BOD1L2: variants seen among roughly 807,000 people sequenced by gnomAD.
The protein encoded by BOD1L2 is biorientation of chromosomes in cell division protein 1-like 2.
BOD1L2 carries 6 observed loss-of-function variants against 5.3 expected under a neutral mutation model. That is an observed-to-expected ratio of 1.14 (90% confidence interval 0.62 to 2.25). BOD1L2 has a LOEUF of 2.25. BOD1L2 is among the 30% of genes most tolerant of loss of function. The pLI is 0.00. For synonymous variants in BOD1L2, 96 were observed against 96.3 expected (o/e 1.00, Z 0.02); for missense variants, 210 against 227.2 (o/e 0.92, Z 0.49).
Position 57,147,131 on chromosome 18 carries a change from TG to T in BOD1L2, c.-180del. ...TTCCACAACCTCCGCGGTCTGGAGC[TG>T]GCCTCCCCCACCGCCGCCCCAACCA... On this transcript the variant is annotated 5_prime_UTR_variant, in exon 1 of 1. Transcript: ENST00000585477. 1.2e-6 allele frequency: 1 copy of T among 841,384 alleles called. No homozygotes were observed. Among genetic ancestry groups the T allele is most frequent in the Non-Finnish European group, 1.5e-6 (1 of 677,990 alleles). 52.1% of individuals were successfully genotyped at this position (841,384 alleles called of 1,614,324 possible). A position where few individuals can be genotyped will look rare whatever the true frequency, so the allele number is the denominator to read the frequency against.
rs919762130 is a variant in BOD1L2 at position 57,148,886 on chromosome 18, A to G, written c.*1055A>G. On this transcript the variant is annotated 3_prime_UTR_variant, in exon 1 of 1. Transcript: ENST00000585477. Reference sequence around the variant, plus strand: ...CTGAGGAGCCACACATCGTCTAAGCAGGAGTGACAGACTCCTTCCTCTGTG... The same window carrying G: ...CTGAGGAGCCACACATCGTCTAAGCGGGAGTGACAGACTCCTTCCTCTGTG... The G allele has an allele frequency of 1.3e-5, 2 of 152,228 alleles. No homozygotes were observed. The highest frequency in any genetic ancestry group is 2.9e-5 in the Non-Finnish European group (2 of 68,058). 9.4% of individuals were successfully genotyped at this position (152,228 alleles called of 1,614,324 possible).
rs923079581 is a variant in BOD1L2, at chr18:57,147,333, C to T, written c.21C>T (p.Gly7=). 1.6e-5 allele frequency: 20 copies of T among 1,214,346 alleles called. No homozygotes were observed. The African/African-American group carries it at 2.3e-4, about 14-fold the overall frequency. The allele number at this position is 1,214,346 out of a possible 1,614,324, so 75.2% of individuals were successfully genotyped here. A position where few individuals can be genotyped will look rare whatever the true frequency, so the allele number is the denominator to read the frequency against. MADGGG[G]GSGGAGPAST... ...CAGCCATGGCGGACGGTGGCGGCGG[C>T]GGCAGCGGCGGTGCGGGCCCGGCCT... The change falls in exon 1 of 1, where the codon GGC becomes GGT. Residue 7 remains glycine, a synonymous_variant. Transcript: ENST00000585477.
Position 57,150,395 on chromosome 18 carries a change from A to C in BOD1L2, c.*2564A>C, listed in dbSNP as rs889579444. On this transcript the variant is annotated 3_prime_UTR_variant, in exon 1 of 1. Coordinates refer to ENST00000585477, the MANE Select transcript of BOD1L2 (RefSeq NM_001257964.2). Reference sequence around the variant, plus strand: ...GCAATCCAGAAGGATAAATAAATGTAATTTCTGGAATTCTATACATTCTTA... The same window carrying C: ...GCAATCCAGAAGGATAAATAAATGTCATTTCTGGAATTCTATACATTCTTA... The C allele has an allele frequency of 1.3e-5, 2 of 152,176 alleles. No individual in the cohort carries two copies. Among genetic ancestry groups the C allele is most frequent in the Non-Finnish European group, 2.9e-5 (2 of 68,036 alleles). The allele number at this position is 152,176 out of a possible 1,614,324, so 9.4% of individuals were successfully genotyped here.
Position 57,147,427 on chromosome 18 carries a change from A to C in BOD1L2, c.115A>C (p.Ile39Leu). 2 of 1,542,112 alleles carry C rather than the reference A, an allele frequency of 1.3e-6. No homozygotes were observed. The highest frequency in any genetic ancestry group is 1.7e-6 in the Non-Finnish European group (2 of 1,148,352). The part of the protein sequence containing the change: ...ASLPPGDPQL[I>L]AIIVGQLKSR... ...GTTGCCCCCTGGCGACCCTCAGCTC[A>C]TCGCTATCATCGTGGGGCAGCTCAA... Residue 39 changes from isoleucine (I) to leucine (L), a missense_variant, in exon 1 of 1, where the codon ATC becomes CTC. By Grantham distance (5) the Ile-to-Leu change is conservative. Coordinates refer to ENST00000585477, the MANE Select transcript of BOD1L2 (RefSeq NM_001257964.2).
chr18:57,147,953 C>A lies in BOD1L2; in HGVS notation c.*122C>A. On this transcript the variant is annotated 3_prime_UTR_variant, in exon 1 of 1. Transcript: ENST00000585477. The stretch of plus-strand genomic sequence containing the variant: ...AGTTCATCACTGAGCTCAAGATTTC[C>A]ACCTCGACCATGAGCAGTGACCAGA... 9.0e-7 allele frequency: 1 copy of A among 1,116,342 alleles called. No homozygotes were observed. The highest frequency in any genetic ancestry group is 1.2e-6 in the Non-Finnish European group (1 of 803,502). 69.2% of individuals were successfully genotyped at this position (1,116,342 alleles called of 1,614,324 possible).
rs2048947357 is a variant in BOD1L2, at chr18:57,150,148, T to C, written c.*2317T>C. ...TTGTTTATTTGAAATTCAAATTTAC[T>C]GGGGCCCCATGCTTTAGTTTGCCAA... On this transcript the variant is annotated 3_prime_UTR_variant, in exon 1 of 1. Coordinates refer to ENST00000585477, the MANE Select transcript of BOD1L2 (RefSeq NM_001257964.2). 6.6e-6 allele frequency: 1 copy of C among 152,220 alleles called. No individual in the cohort carries two copies. The highest frequency in any genetic ancestry group is 2.1e-4 in the South Asian group (1 of 4,824). 9.4% of individuals were successfully genotyped at this position (152,220 alleles called of 1,614,324 possible). A position where few individuals can be genotyped will look rare whatever the true frequency, so the allele number is the denominator to read the frequency against.
Position 57,147,302 on chromosome 18 carries a change from G to T in BOD1L2, c.-11G>T. The T allele has an allele frequency of 8.6e-7, 1 of 1,163,986 alleles. No homozygotes were observed. The highest frequency in any genetic ancestry group is 1.6e-5 in the African/African-American group (1 of 60,620). The allele number at this position is 1,163,986 out of a possible 1,614,324, so 72.1% of individuals were successfully genotyped here. A position where few individuals can be genotyped will look rare whatever the true frequency, so the allele number is the denominator to read the frequency against. The stretch of plus-strand genomic sequence containing the variant: ...CTATAATCGGTTTCCTTGTGGGCCC[G>T]GTGCGCAGCCATGGCGGACGGTGGC... On this transcript the variant is annotated 5_prime_UTR_variant, in exon 1 of 1. Transcript: ENST00000585477.
rs952545166 is a variant in BOD1L2, at chr18:57,149,164, C to G, written c.*1333C>G. On this transcript the variant is annotated 3_prime_UTR_variant, in exon 1 of 1. Transcript: ENST00000585477. ...CTGAGCCTGTATTGAGCACAGAGCCCTCACTTTTAACCCTTTTAACCATGC... is the reference window on the plus strand; with the variant it reads ...CTGAGCCTGTATTGAGCACAGAGCCGTCACTTTTAACCCTTTTAACCATGC... 6.6e-6 allele frequency: 1 copy of G among 152,224 alleles called. No homozygotes were observed. The highest frequency in any genetic ancestry group is 6.5e-5 in the Admixed American group (1 of 15,278). 9.4% of individuals were successfully genotyped at this position (152,224 alleles called of 1,614,324 possible).
At position 57,147,977 on chromosome 18, in the gene BOD1L2, G is replaced by C. The variant is rs1383903544; in HGVS notation, c.*146G>C. The C allele has an allele frequency of 1.1e-6, 1 of 946,648 alleles. No homozygotes were observed. The highest frequency in any genetic ancestry group is 1.7e-5 in the African/African-American group (1 of 60,320). 58.6% of individuals were successfully genotyped at this position (946,648 alleles called of 1,614,324 possible). The stretch of plus-strand genomic sequence containing the variant: ...CCACCTCGACCATGAGCAGTGACCA[G>C]ATTGAAAGGGAAGCAAGTTCGCCAG... On this transcript the variant is annotated 3_prime_UTR_variant, in exon 1 of 1. Transcript: ENST00000585477.
rs2048945697 is a variant in BOD1L2 at position 57,149,749 on chromosome 18, A to G, written c.*1918A>G. On this transcript the variant is annotated 3_prime_UTR_variant, in exon 1 of 1. Coordinates refer to ENST00000585477, the MANE Select transcript of BOD1L2 (RefSeq NM_001257964.2). Reference sequence around the variant, plus strand: ...ATCACTTGCCAACTTTCCTTTTTACAAAAACAGCTAAGCTCTTTCTGAGAT... The same window carrying G: ...ATCACTTGCCAACTTTCCTTTTTACGAAAACAGCTAAGCTCTTTCTGAGAT... 1 of 152,190 alleles carries G rather than the reference A, an allele frequency of 6.6e-6. No individual in the cohort carries two copies. The highest frequency in any genetic ancestry group is 1.5e-5 in the Non-Finnish European group (1 of 68,030). 9.4% of individuals were successfully genotyped at this position (152,190 alleles called of 1,614,324 possible). A position where few individuals can be genotyped will look rare whatever the true frequency, so the allele number is the denominator to read the frequency against.
rs1169267606 is a variant in BOD1L2, at chr18:57,147,764, C to T, written c.452C>T (p.Ala151Val). ...HEFLVAQKEA[A>V]VPALPPEPEG... ...TTCCTGGTGGCCCAGAAAGAAGCAG[C>T]TGTGCCAGCACTCCCTCCAGAGCCA... is the stretch of plus-strand genomic sequence containing the variant. Residue 151 changes from alanine to valine, a missense_variant, in exon 1 of 1, where the codon GCT becomes GTT. Ala to Val is a moderately conservative substitution (Grantham distance 64, BLOSUM62 0). Coordinates refer to ENST00000585477, the MANE Select transcript of BOD1L2 (RefSeq NM_001257964.2). 1 of 1,613,792 alleles carries T rather than the reference C, an allele frequency of 6.2e-7. No individual in the cohort carries two copies. The highest frequency in any genetic ancestry group is 8.5e-7 in the Non-Finnish European group (1 of 1,180,016).
Position 57,147,243 on chromosome 18 carries a change from T to C in BOD1L2, c.-70T>C. 2 of 1,117,704 alleles carry C rather than the reference T, an allele frequency of 1.8e-6. No individual in the cohort carries two copies. Among genetic ancestry groups the C allele is most frequent in the African/African-American group, 1.7e-5 (1 of 59,634 alleles). 69.2% of individuals were successfully genotyped at this position (1,117,704 alleles called of 1,614,324 possible). A position where few individuals can be genotyped will look rare whatever the true frequency, so the allele number is the denominator to read the frequency against. On this transcript the variant is annotated 5_prime_UTR_variant, in exon 1 of 1. Transcript: ENST00000585477. ...CCTTCACCGCCCCCTTAGCCACCTC[T>C]ACACATTCTAGGCTTTCTGTCCTGG...
In BOD1L2 at chr18:57,148,638, T is replaced by C. The variant is rs1171255951; in HGVS notation, c.*807T>C. 1 of 152,242 alleles carries C rather than the reference T, an allele frequency of 6.6e-6. No individual in the cohort carries two copies. The highest frequency in any genetic ancestry group is 1.5e-5 in the Non-Finnish European group (1 of 68,040). The allele number at this position is 152,242 out of a possible 1,614,324, so 9.4% of individuals were successfully genotyped here. On this transcript the variant is annotated 3_prime_UTR_variant, in exon 1 of 1. Coordinates refer to ENST00000585477, the MANE Select transcript of BOD1L2 (RefSeq NM_001257964.2). ...GAAATGCAGATTTACATCCTTTTCC[T>C]CTTTAAGCTCCGTCAGTTTTCTGAT...
Position 57,147,164 on chromosome 18 carries a change from C to G in BOD1L2, c.-149C>G. The G allele has an allele frequency of 9.8e-7, 1 of 1,021,636 alleles. No homozygotes were observed. The highest frequency in any genetic ancestry group is 1.2e-6 in the Non-Finnish European group (1 of 841,456). 63.3% of individuals were successfully genotyped at this position (1,021,636 alleles called of 1,614,324 possible). On this transcript the variant is annotated 5_prime_UTR_variant, in exon 1 of 1. Transcript: ENST00000585477. ...CCCACCGCCGCCCCAACCACCGGCCCCGCCGCCATCACCACCACCGTCACC... is the reference window on the plus strand; with the variant it reads ...CCCACCGCCGCCCCAACCACCGGCCGCGCCGCCATCACCACCACCGTCACC...
In BOD1L2 at chr18:57,148,509, G is replaced by A. The variant is rs2048939921; in HGVS notation, c.*678G>A. On this transcript the variant is annotated 3_prime_UTR_variant, in exon 1 of 1. Coordinates refer to ENST00000585477, the MANE Select transcript of BOD1L2 (RefSeq NM_001257964.2). ...CCAAGAATGCTTCCTGTCTTGCAGG[G>A]GCTAGTGAGTCTTGGGTGTGTTTAT... is the stretch of plus-strand genomic sequence containing the variant. The A allele has an allele frequency of 6.6e-6, 1 of 152,220 alleles. No homozygotes were observed. Among genetic ancestry groups the A allele is most frequent in the Admixed American group, 6.5e-5 (1 of 15,282 alleles). 9.4% of individuals were successfully genotyped at this position (152,220 alleles called of 1,614,324 possible).
chr18:57,147,249 T>G lies in BOD1L2; in HGVS notation c.-64T>G. 1.8e-6 allele frequency: 2 copies of G among 1,124,736 alleles called. No homozygotes were observed. The allele number at this position is 1,124,736 out of a possible 1,614,324, so 69.7% of individuals were successfully genotyped here. A position where few individuals can be genotyped will look rare whatever the true frequency, so the allele number is the denominator to read the frequency against. ...CCGCCCCCTTAGCCACCTCTACACA[T>G]TCTAGGCTTTCTGTCCTGGAGAAGA... On this transcript the variant is annotated 5_prime_UTR_variant, in exon 1 of 1. Transcript: ENST00000585477.
rs2048943704 is a variant in BOD1L2 at position 57,149,254 on chromosome 18, A to T, written c.*1423A>T. On this transcript the variant is annotated 3_prime_UTR_variant, in exon 1 of 1. Coordinates refer to ENST00000585477, the MANE Select transcript of BOD1L2 (RefSeq NM_001257964.2). ...TTACAGATCTGTCATCCCCACTTAA[A>T]TGTGAGCTTCCTCCAGGGCAGGGAT... is the stretch of plus-strand genomic sequence containing the variant. 2 of 152,074 alleles carry T rather than the reference A, an allele frequency of 1.3e-5. No individual in the cohort carries two copies. Among genetic ancestry groups the T allele is most frequent in the African/African-American group, 4.8e-5 (2 of 41,380 alleles). 9.4% of individuals were successfully genotyped at this position (152,074 alleles called of 1,614,324 possible).
In BOD1L2 at chr18:57,150,216, G is replaced by A. The variant is rs1199395696; in HGVS notation, c.*2385G>A. 6.6e-6 allele frequency: 1 copy of A among 152,134 alleles called. No homozygotes were observed. Among genetic ancestry groups the A allele is most frequent in the Non-Finnish European group, 1.5e-5 (1 of 68,020 alleles). The allele number at this position is 152,134 out of a possible 1,614,324, so 9.4% of individuals were successfully genotyped here. ...TGAATGCTTCCCGTTCCCACCATGA[G>A]TTTGGCAAATGGAAAATGCTAACCT... On this transcript the variant is annotated 3_prime_UTR_variant, in exon 1 of 1. Transcript: ENST00000585477.
At position 57,147,254 on chromosome 18, in the gene BOD1L2, G is replaced by A. The variant is rs2048925637; in HGVS notation, c.-59G>A. ...CCCTTAGCCACCTCTACACATTCTA[G>A]GCTTTCTGTCCTGGAGAAGAAGCTA... On this transcript the variant is annotated 5_prime_UTR_variant, in exon 1 of 1. Coordinates refer to ENST00000585477, the MANE Select transcript of BOD1L2 (RefSeq NM_001257964.2). 2 of 1,133,318 alleles carry A rather than the reference G, an allele frequency of 1.8e-6. No homozygotes were observed. Among genetic ancestry groups the A allele is most frequent in the Non-Finnish European group, 2.2e-6 (2 of 926,498 alleles). The allele number at this position is 1,133,318 out of a possible 1,614,324, so 70.2% of individuals were successfully genotyped here. A position where few individuals can be genotyped will look rare whatever the true frequency, so the allele number is the denominator to read the frequency against.
Sources: gnomAD v4.1 joint callset for allele counts on GRCh38, gnomAD v4.1.1 for gene constraint, MANE v1.5 for transcripts, NCBI Gene and HGNC (gene_info 2026-07-23, HGNC 2026-07-21) for gene names.